The following NLGN1 variants were observed in gnomAD, a reference collection of about 807,000 sequenced individuals.
The protein encoded by NLGN1 is neuroligin-1.
NLGN1 carries 12 observed loss-of-function variants against 65.5 expected under a neutral mutation model. The ratio of observed to expected loss-of-function variants is 0.18; its 90% CI spans 0.12 to 0.30. The LOEUF (loss-of-function observed/expected upper bound fraction) is 0.30, where lower values mean the gene tolerates loss of function less well. Among genes scored for constraint, NLGN1 ranks in the 10% least tolerant of loss-of-function variants. The pLI is 1.00. For synonymous variants in NLGN1, 350 were observed against 359.5 expected (o/e 0.97, Z 0.30); for missense variants, 750 against 1,007.1 (o/e 0.74, Z 3.46).
At chr3:173,632,835 GTGTTTTTTTTTT>G (rs1157877071) in intron 3 of NLGN1, among the ~76,000 whole-genome samples, 1,116 of 109,938 alleles carry the variant, frequency 0.01, 11 homozygotes, top group Non-Finnish European at 0.014. Flanking sequence ...TCCTTGAGTA[GTGTTTTTTTTTT>G]TGTTTTTTTT....
chr3:173,586,600 A>T (rs909933790), intron 2 of NLGN1, among the ~76,000 whole-genome samples: 39 of 152,236 alleles, frequency 2.6e-4, no homozygotes, highest in African/African-American at 9.2e-4. Flanking sequence ...GAAAAGGTAG[A>T]TATTTCTTAT....
At chr3:174,117,482 G>A (rs1021714666) in intron 4 of NLGN1, among the ~76,000 whole-genome samples, 2 of 151,728 alleles carry the variant, frequency 1.3e-5, no homozygotes, top group African/African-American at 2.4e-5. Flanking sequence ...TTAGCCAGGC[G>A]CAGTGGCGGG....
rs1017136190 is a variant in NLGN1 at position 174,110,450 on chromosome 3, G to A, written c.647-164865G>A. ...CCTGGATCCGACATCCAGAAAAAGC[G>A]TAAAACCTGAAACCAATAAGAAACA... is the stretch of plus-strand genomic sequence containing the variant. On this transcript the variant is annotated intron_variant, in intron 4 of 6. Coordinates refer to ENST00000457714, the Ensembl canonical transcript of NLGN1. 5.3e-5 allele frequency among the ~76,000 whole-genome samples: 8 copies of A among 152,022 alleles called. No individual in the cohort carries two copies. The South Asian group carries it at 6.2e-4, about 12-fold the overall frequency.
At chr3:173,803,295 T>C (rs572836599) in intron 3 of NLGN1, among the ~76,000 whole-genome samples, 1 of 152,300 alleles carries the variant, frequency 6.6e-6, no homozygotes, top group South Asian at 2.1e-4. Flanking sequence ...AAAATTTTAA[T>C]GGTGCTAATA....
At chr3:174,102,667 A>C (rs370123501) in intron 4 of NLGN1, among the ~76,000 whole-genome samples, 18 of 152,310 alleles carry the variant, frequency 1.2e-4, no homozygotes, top group African/African-American at 4.1e-4. Context: ...TGCAGGTGCT[A>C]CCTGGCTGTT....
intron 4 of NLGN1, among the ~76,000 whole-genome samples, chr3:173,971,093 G>A (rs559117875): frequency 6.6e-6 from 1 of 152,122 alleles, no homozygotes; most frequent in African/African-American, 2.4e-5. Flanking sequence ...AAGATGTCAA[G>A]GGTGAAAAAC....
intron 1 of NLGN1, among the ~76,000 whole-genome samples, chr3:173,422,278 C>T (rs1368184589): frequency 2.6e-5 from 4 of 152,102 alleles, no homozygotes. Flanking sequence ...CACAGAAAGA[C>T]AAATATCACA....
chr3:173,670,020 T>A (rs1487305163), intron 3 of NLGN1, among the ~76,000 whole-genome samples: 1 of 152,140 alleles, frequency 6.6e-6, no homozygotes, highest in Non-Finnish European at 1.5e-5. Context: ...CTAAAAAAAG[T>A]GTTAGTTTTA....
chr3:173,489,322 A>G (rs2149001252), intron 2 of NLGN1, among the ~76,000 whole-genome samples: 1 of 151,644 alleles, frequency 6.6e-6, no homozygotes, highest in African/African-American at 2.4e-5. Flanking sequence ...ACTATGAGTG[A>G]GAACATGTGG....
chr3:174,215,427 A>T (rs1737410952), intron 4 of NLGN1, among the ~76,000 whole-genome samples: 1 of 152,180 alleles, frequency 6.6e-6, no homozygotes, highest in African/African-American at 2.4e-5. Context: ...TCTATTTAAA[A>T]TTATACCTCC....
chr3:173,556,144 T>G (rs1741669291), intron 2 of NLGN1, among the ~76,000 whole-genome samples: 1 of 152,194 alleles, frequency 6.6e-6, no homozygotes, highest in Admixed American at 6.5e-5. Context: ...GTTGATCTTT[T>G]CTTTTTCATT....
chr3:174,266,014 A>ATG (rs1748130869), intron 4 of NLGN1, among the ~76,000 whole-genome samples: 2 of 142,796 alleles, frequency 1.4e-5, no homozygotes, highest in African/African-American at 5.2e-5. Flanking sequence ...CCCTCAGTGC[A>ATG]TATATATGTG....
At chr3:173,726,316 T>C (rs909275834) in intron 3 of NLGN1, among the ~76,000 whole-genome samples, 3 of 151,958 alleles carry the variant, frequency 2.0e-5, no homozygotes, top group Non-Finnish European at 4.4e-5. Context: ...TAAGAAGACA[T>C]GAGCACTATT....
intron 4 of NLGN1, among the ~76,000 whole-genome samples, chr3:174,025,997 T>G (rs1728756016): frequency 6.6e-6 from 1 of 152,238 alleles, no homozygotes; most frequent in African/African-American, 2.4e-5. Flanking sequence ...GATATAGTTA[T>G]TTAGTCCTAT....
At chr3:173,492,573 T>C (rs1729362785) in intron 2 of NLGN1, among the ~76,000 whole-genome samples, 1 of 151,894 alleles carries the variant, frequency 6.6e-6, no homozygotes, top group Non-Finnish European at 1.5e-5. Context: ...TGTGCATATA[T>C]GTGGCTCATG....
At chr3:173,516,450 G>A (rs115553312) in intron 2 of NLGN1, among the ~76,000 whole-genome samples, 3,614 of 151,972 alleles carry the variant, frequency 0.024, 55 homozygotes, top group Middle Eastern at 0.048. Flanking sequence ...TCCTCTTCCT[G>A]AACTTTTTGT....
At chr3:173,545,340 C>A (rs947918380) in intron 2 of NLGN1, among the ~76,000 whole-genome samples, 2 of 152,094 alleles carry the variant, frequency 1.3e-5, no homozygotes, top group African/African-American at 4.8e-5. Context: ...TCCCAAAGTG[C>A]TGGGATTACA....
intron 2 of NLGN1, among the ~76,000 whole-genome samples, chr3:173,485,116 C>CAA (rs58463042): frequency 4.6e-3 from 242 of 52,056 alleles, no homozygotes; most frequent in African/African-American, 7.5e-3. Flanking sequence ...TGGCAGCAGG[C>CAA]AAAAAAAAAA....
At chr3:173,962,685 A>G (rs1235628265) in intron 4 of NLGN1, among the ~76,000 whole-genome samples, 1 of 152,182 alleles carries the variant, frequency 6.6e-6, no homozygotes, top group African/African-American at 2.4e-5. Context: ...GAAATTCTCT[A>G]TTAATATAAA....
Sources: gnomAD v4.1 joint callset for allele counts (sites outside exome capture counted in the v4.1 genomes callset) on GRCh38, gnomAD v4.1.1 for gene constraint, MANE v1.5 for transcripts, NCBI Gene and HGNC (gene_info 2026-07-23, HGNC 2026-07-21) for gene names.